TLK1: variants seen among roughly 807,000 people sequenced by gnomAD.
TLK1 encodes the protein tousled like kinase 1.
TLK1 carries 24 observed loss-of-function variants against 105.3 expected under a neutral mutation model. That is an observed-to-expected ratio of 0.23 (90% CI 0.17 to 0.32). The LOEUF is 0.32. Ranked by LOEUF, TLK1 falls within the 10% of genes least tolerant of loss-of-function variation. The pLI is 1.00. For synonymous variants in TLK1, 321 were observed against 310.4 expected (o/e 1.03, Z -0.36); for missense variants, 558 against 910.5 (o/e 0.61, Z 4.98).
chr2:171,059,970 C>T (rs536990245), intron 4 of TLK1: 42 of 1,610,892 alleles, frequency 2.6e-5, no homozygotes, highest in African/African-American at 5.3e-5. Context: ...ACTGGAAGAC[C>T]GGGAGGTTGG....
chr2:171,197,541 G>A (rs1228544994), intron 1 of TLK1, among the ~76,000 whole-genome samples: 1 of 152,180 alleles, frequency 6.6e-6, no homozygotes, highest in African/African-American at 2.4e-5. Context: ...CACTATGAGA[G>A]GCGGAGGTGG....
chr2:171,024,019 T>A (rs1434371756), intron 12 of TLK1, among the ~76,000 whole-genome samples: 1 of 152,206 alleles, frequency 6.6e-6, no homozygotes, highest in East Asian at 1.9e-4. Context: ...TAAAATAGGA[T>A]CATTTAGAAG....
intron 2 of TLK1, among the ~76,000 whole-genome samples, chr2:171,107,334 T>C (rs780599175): frequency 2.6e-5 from 4 of 152,190 alleles, no homozygotes; most frequent in African/African-American, 4.8e-5. Flanking sequence ...AACTAATCTA[T>C]GGGGTAAAAC....
At chr2:171,176,881 G>A (rs1228236168) in intron 1 of TLK1, among the ~76,000 whole-genome samples, 1 of 151,538 alleles carries the variant, frequency 6.6e-6, no homozygotes, top group Non-Finnish European at 1.5e-5. Flanking sequence ...CACCCAGGCT[G>A]GAGTGCAGTG....
intron 2 of TLK1, among the ~76,000 whole-genome samples, chr2:171,088,123 G>A (rs1361281917): frequency 6.6e-6 from 1 of 152,056 alleles, no homozygotes; most frequent in Non-Finnish European, 1.5e-5. Flanking sequence ...TTGAGCCCAG[G>A]AGTTTGAGAC....
intron 1 of TLK1, among the ~76,000 whole-genome samples, chr2:171,204,600 A>G (rs1693467192): frequency 6.6e-6 from 1 of 152,086 alleles, no homozygotes; most frequent in African/African-American, 2.4e-5. Context: ...AATGATATAC[A>G]TATCTGAAAA....
chr2:171,000,102 G>A (rs768370030), intron 18 of TLK1, among the ~76,000 whole-genome samples: 1 of 152,086 alleles, frequency 6.6e-6, no homozygotes, highest in Non-Finnish European at 1.5e-5. Flanking sequence ...ACTAGGCTGA[G>A]CGTGGTGGCT....
At position 170,993,105 on chromosome 2, in the gene TLK1, A is replaced by G. The variant is rs1288276207; in HGVS notation, c.*675T>C. ...AAGCAGCTCATTTTGTCAAAGGTGT[A>G]AAGTATTTAGAAATAATAGCTCTCC... On this transcript the variant is annotated 3_prime_UTR_variant, in exon 21 of 21. Coordinates refer to ENST00000431350, the MANE Select transcript of TLK1 (RefSeq NM_012290.5). 2 of 152,666 alleles carry G rather than the reference A, an allele frequency of 1.3e-5. No homozygotes were observed. Among genetic ancestry groups the G allele is most frequent in the Non-Finnish European group, 2.9e-5 (2 of 68,044 alleles). 9.5% of individuals were successfully genotyped at this position (152,666 alleles called of 1,614,324 possible). A position where few individuals can be genotyped will look rare whatever the true frequency, so the allele number is the denominator to read the frequency against.
intron 1 of TLK1, among the ~76,000 whole-genome samples, chr2:171,192,121 C>T (rs1009850518): frequency 3.3e-5 from 5 of 152,054 alleles, no homozygotes; most frequent in Admixed American, 6.6e-5. Flanking sequence ...TTTGACCTCC[C>T]GGGCCCAGGT....
rs1181450541 is a variant in TLK1, at chr2:171,028,350, G to T, written c.1225C>A (p.His409Asn). Residue 409 changes from histidine (H) to asparagine (N), a missense_variant, in exon 12 of 21, where the codon CAT (histidine) becomes AAT (asparagine). Physicochemically the swap from His to Asn is moderately conservative, Grantham distance 68. Around this residue, in one of 5 missense-constraint regions of TLK1, gnomAD observed 218 missense variants for 492.9 expected, o/e 0.44. Transcript: ENST00000431350. The part of the protein sequence containing the change: ...QEEIFKLRLG[H>N]LKKEEAEIQA... ...TATGTTTCACATACCTTTTTGAGAT[G>T]TCCTAGTCTAAGTTTGAAAATTTCT... 3 of 1,607,046 alleles carry T rather than the reference G, an allele frequency of 1.9e-6. No homozygotes were observed. The highest frequency in any genetic ancestry group is 2.6e-6 in the Non-Finnish European group (3 of 1,174,778).
intron 1 of TLK1, among the ~76,000 whole-genome samples, chr2:171,137,270 A>ACC (rs1691364356): frequency 3.3e-5 from 5 of 152,090 alleles, no homozygotes; most frequent in Non-Finnish European, 5.9e-5. Context: ...TGACAGAGTG[A>ACC]GACCCTGTTT....
intron 14 of TLK1, 21 bp from the exon 15 acceptor site, chr2:171,007,084 CAATT>C: frequency 3.2e-6 from 5 of 1,571,636 alleles, no homozygotes; most frequent in Non-Finnish European, 3.4e-6. Flanking sequence ...AAGTCAAAAA[CAATT>C]AAGATGAAAG....
chr2:171,073,479 A>C (rs974356714), intron 3 of TLK1, among the ~76,000 whole-genome samples: 2 of 152,154 alleles, frequency 1.3e-5, no homozygotes, highest in African/African-American at 4.8e-5. Flanking sequence ...TGGCTACTCA[A>C]ACATTAAAAA....
chr2:170,998,088 ATCT>A (rs1684162382), intron 18 of TLK1, among the ~76,000 whole-genome samples: 1 of 48,898 alleles, frequency 2.0e-5, no homozygotes, highest in South Asian at 1.2e-3. Context: ...CTATCTATCT[ATCT>A]ACCTACCTAC....
At chr2:171,145,128 G>T (rs1382668158) in intron 1 of TLK1, among the ~76,000 whole-genome samples, 1 of 152,082 alleles carries the variant, frequency 6.6e-6, no homozygotes, top group Non-Finnish European at 1.5e-5. Context: ...GGCCAACATG[G>T]TGAAACCCGT....
intron 1 of TLK1, among the ~76,000 whole-genome samples, chr2:171,168,426 G>A (rs565996675): frequency 3.3e-5 from 5 of 152,272 alleles, no homozygotes; most frequent in Non-Finnish European, 7.4e-5. Context: ...AAGTAAGAGC[G>A]GGGATTCTGA....
At position 171,092,644 on chromosome 2, in the gene TLK1, C is replaced by T. The variant is rs3755123; in HGVS notation, c.259-9792G>A. Reference sequence around the variant, plus strand: ...CCTGCAAACTGTTAAGACCACCCTCCTACCCCCATGGACAAAATGATGAAT... The same window carrying T: ...CCTGCAAACTGTTAAGACCACCCTCTTACCCCCATGGACAAAATGATGAAT... On this transcript the variant is annotated intron_variant, in intron 2 of 20. Transcript: ENST00000431350. Among the ~76,000 whole-genome samples, 130 of 152,234 alleles carry T rather than the reference C, an allele frequency of 8.5e-4. 3 individuals carry two copies. In the East Asian group the frequency reaches 0.021, roughly 25 times the overall value.
chr2:171,079,315 C>T (rs1254165734), intron 3 of TLK1, among the ~76,000 whole-genome samples: 1 of 152,210 alleles, frequency 6.6e-6, no homozygotes, highest in East Asian at 1.9e-4. Flanking sequence ...CCCCTACAGG[C>T]AAATGGAATT....
intron 3 of TLK1, among the ~76,000 whole-genome samples, chr2:171,078,302 G>A (rs776910177): frequency 9.9e-5 from 15 of 152,124 alleles, no homozygotes; most frequent in Non-Finnish European, 1.8e-4. Flanking sequence ...CACTTTGGAA[G>A]GCCAAGGCAG....
Sources: allele counts gnomAD v4.1 joint callset (sites outside exome capture counted in the v4.1 genomes callset), GRCh38; gene constraint gnomAD v4.1.1; regional missense constraint gnomAD v4.1.1; transcripts MANE v1.5; gene names NCBI Gene and HGNC (gene_info 2026-07-23, HGNC 2026-07-21).